The following NUP210L variants were observed in gnomAD, a reference collection of about 807,000 sequenced individuals.
The protein encoded by NUP210L is nucleoporin 210 like.
In NUP210L, 74 loss-of-function variants were observed where a neutral mutation model predicts 208.5. That is an observed-to-expected ratio of 0.35 (90% confidence interval 0.29 to 0.43). The LOEUF is 0.43. Ranked by LOEUF, NUP210L falls within the 20% of genes least tolerant of loss-of-function variation. NUP210L has a pLI of 1.00. For missense variants in NUP210L, 1,843 were observed against 2,289.4 expected (o/e 0.81, Z 3.98); for synonymous variants, 780 against 816.9 (o/e 0.95, Z 0.77).
At chr1:154,022,598 T>A (rs1012288362) in intron 31 of NUP210L, among the ~76,000 whole-genome samples, 4 of 151,670 alleles carry the variant, frequency 2.6e-5, no homozygotes, top group African/African-American at 9.7e-5. Flanking sequence ...GATCTTTTAG[T>A]GAATTAGAAC....
At chr1:154,037,240 T>G (rs759818532) in intron 27 of NUP210L, among the ~76,000 whole-genome samples, 3 of 152,182 alleles carry the variant, frequency 2.0e-5, no homozygotes, top group Non-Finnish European at 4.4e-5. Context: ...GTTTCTTTGT[T>G]GATTTTCTGT....
intron 12 of NUP210L, among the ~76,000 whole-genome samples, chr1:154,116,579 T>C (rs2148094632): frequency 6.6e-6 from 1 of 151,978 alleles, no homozygotes; most frequent in Non-Finnish European, 1.5e-5. Flanking sequence ...AATAATAAAT[T>C]AACTGTGTGG....
At chr1:154,090,719 G>T (rs1557969847) in intron 15 of NUP210L, among the ~76,000 whole-genome samples, 2 of 151,922 alleles carry the variant, frequency 1.3e-5, no homozygotes, top group African/African-American at 2.4e-5. Flanking sequence ...ACTGAGGCAA[G>T]AGAATCACTT....
chr1:154,127,536 G>A (rs1315042594), intron 8 of NUP210L, 119 bp from the exon 9 acceptor site: 3 of 395,630 alleles, frequency 7.6e-6, no homozygotes, highest in Non-Finnish European at 1.3e-5. Flanking sequence ...AGATGGAGAT[G>A]GTTTCCAAAG....
rs752458882 is a variant in NUP210L, at chr1:154,118,775, T to G, written c.1360A>C (p.Lys454Gln). 3.8e-6 allele frequency: 6 copies of G among 1,590,128 alleles called. No homozygotes were observed. The South Asian group carries it at 6.7e-5, about 18-fold the overall frequency. Residue 454 changes from lysine to glutamine, a missense_variant, in exon 11 of 40, where the codon AAA (lysine) becomes CAA (glutamine). Physicochemically the swap from Lys to Gln is moderately conservative, Grantham distance 53. Coordinates refer to ENST00000368559, the Ensembl canonical transcript of NUP210L. ...TAAATCTTCACTTCTTGTTGGTGTT[T>G]GATTAGAAATTTTATAGGCTGAATA...
intron 33 of NUP210L, among the ~76,000 whole-genome samples, chr1:154,016,599 A>G (rs992443183): frequency 3.3e-5 from 5 of 152,036 alleles, no homozygotes; most frequent in African/African-American, 1.2e-4. Context: ...AGAGCTTTCT[A>G]TATTCACTGT....
intron 10 of NUP210L, among the ~76,000 whole-genome samples, chr1:154,121,374 C>T (rs4845598): frequency 0.068 from 10,378 of 152,144 alleles, 406 homozygotes; most frequent in South Asian, 0.16. Flanking sequence ...TTTGGAGCAC[C>T]TATCTATGAT....
At chr1:154,055,125 T>TTCTTTCTCTTTCTTTCTTTTC (rs1553228853) in intron 23 of NUP210L, among the ~76,000 whole-genome samples, 199 of 18,618 alleles carry the variant, frequency 0.011, 2 homozygotes, top group South Asian at 0.087. Context: ...TTTCTTTCTT[T>TTCTTTCTCTTTCTTTCTTTTC]TCTTTCTTTC....
At chr1:154,057,170 G>A (rs1444979373) in intron 22 of NUP210L, among the ~76,000 whole-genome samples, 3 of 151,656 alleles carry the variant, frequency 2.0e-5, no homozygotes, top group Admixed American at 2.0e-4. Flanking sequence ...GTAGAGCCGG[G>A]GTCTCACTGT....
intron 33 of NUP210L, among the ~76,000 whole-genome samples, chr1:154,014,117 C>T (rs960319046): frequency 7.2e-5 from 11 of 152,062 alleles, no homozygotes; most frequent in African/African-American, 2.4e-4. Flanking sequence ...TTAGTATTAC[C>T]ACAGGTTTTT....
chr1:153,995,603 T>A, intron 37 of NUP210L: 1 of 877,182 alleles, frequency 1.1e-6, no homozygotes, highest in Admixed American at 1.7e-5. Flanking sequence ...TTCTTCCTCT[T>A]CCAGGGACGT....
chr1:153,995,311 G>T (rs369322784), intron 37 of NUP210L, 131 bp from the exon 38 acceptor site: 182 of 648,398 alleles, frequency 2.8e-4, no homozygotes, highest in Non-Finnish European at 4.6e-4. Context: ...GAGGGCAGTG[G>T]TGCGATCTCA....
chr1:154,100,058 C>G, exon 14 of NUP210L: 1 of 1,614,024 alleles, frequency 6.2e-7, no homozygotes, highest in Non-Finnish European at 8.5e-7. Context: ...CACATTCATT[C>G]ACACTTACTG....
chr1:154,001,355 G>A (rs1289380773), intron 36 of NUP210L, among the ~76,000 whole-genome samples: 4 of 152,060 alleles, frequency 2.6e-5, no homozygotes, highest in East Asian at 1.9e-4. Flanking sequence ...CCGCCACCAC[G>A]TCCAGCTAAT....
At chr1:154,134,463 C>T (rs1288171433) in intron 7 of NUP210L, among the ~76,000 whole-genome samples, 1 of 140,436 alleles carries the variant, frequency 7.1e-6, no homozygotes, top group Non-Finnish European at 1.5e-5. Context: ...TCAGGCCGGG[C>T]GCGGTGGCTC....
At chr1:154,015,497 G>A (rs539174709) in intron 33 of NUP210L, among the ~76,000 whole-genome samples, 2 of 152,070 alleles carry the variant, frequency 1.3e-5, no homozygotes, top group Non-Finnish European at 2.9e-5. Context: ...GAGGTGGGCA[G>A]CTCACTTGAG....
At chr1:154,151,344 A>G (rs1208037654) in intron 2 of NUP210L, among the ~76,000 whole-genome samples, 1 of 150,570 alleles carries the variant, frequency 6.6e-6, no homozygotes, top group Admixed American at 6.6e-5. Context: ...GATTTATCTT[A>G]TAATTGATGA....
At chr1:154,060,496 C>T (rs1196335764) in intron 20 of NUP210L, 44 bp downstream of exon 20, 1 of 1,223,494 alleles carries the variant, frequency 8.2e-7, no homozygotes, top group South Asian at 1.3e-5. Flanking sequence ...TCAGAATGAG[C>T]TTTGGCCTGA....
intron 25 of NUP210L, 48 bp from the exon 26 acceptor site, chr1:154,046,417 T>C (rs1189543350): frequency 6.8e-7 from 1 of 1,479,154 alleles, no homozygotes; most frequent in Non-Finnish European, 9.4e-7. Flanking sequence ...GGAGTTTCTG[T>C]GGGGTGGACA....
Sources: allele counts gnomAD v4.1 joint callset (sites outside exome capture counted in the v4.1 genomes callset), GRCh38; gene constraint gnomAD v4.1.1; transcripts MANE v1.5; gene names NCBI Gene and HGNC (gene_info 2026-07-23, HGNC 2026-07-21).